The following CUX1 variants were observed in gnomAD, a reference collection of about 807,000 sequenced individuals.
CUX1 encodes protein CASP.
In CUX1, 31 loss-of-function variants were observed where a neutral mutation model predicts 158.8. That is an observed-to-expected ratio of 0.20 (90% CI 0.15 to 0.26). The LOEUF (loss-of-function observed/expected upper bound fraction) is 0.26, where lower values mean the gene tolerates loss of function less well. Ranked by LOEUF, CUX1 falls within the 10% of genes least tolerant of loss-of-function variation. CUX1 has a pLI of 1.00. For synonymous variants in CUX1, 879 were observed against 862.1 expected (o/e 1.02, Z -0.34); for missense variants, 1,589 against 2,014.6 (o/e 0.79, Z 4.04).
At chr7:101,848,051 C>CAAAAAAAAAAAAAAAAAAAAAAAA (rs57428019) in intron 1 of CUX1, among the ~76,000 whole-genome samples, 1 of 65,374 alleles carries the variant, frequency 1.5e-5, no homozygotes, top group Non-Finnish European at 2.7e-5. Flanking sequence ...GAGCAAGACT[C>CAAAAAAAAAAAAAAAAAAAAAAAA]AAAAAAAAAA....
rs189206157 is a variant in CUX1 at position 102,267,952 on chromosome 7, C to T, written c.1256-5414C>T. On this transcript the variant is annotated intron_variant, in intron 14 of 22. Transcript: ENST00000292538. ...CAAAGTGCTGTATTCCAGCCGTGAG[C>T]CACTGCACCGGGCCCTCCTGAAGTC... Among the ~76,000 whole-genome samples the T allele has an allele frequency of 1.9e-3, 291 of 152,228 alleles. 9 individuals are homozygous for T. The highest frequency in any genetic ancestry group is 0.017 in the Admixed American group (259 of 15,276).
chr7:102,118,574 T>C (rs782241975), intron 8 of CUX1, among the ~76,000 whole-genome samples: 1 of 152,078 alleles, frequency 6.6e-6, no homozygotes, highest in Non-Finnish European at 1.5e-5. Flanking sequence ...TGACGGGAAT[T>C]GGAGAGGCAT....
chr7:102,127,953 T>G (rs1832824716), intron 8 of CUX1, among the ~76,000 whole-genome samples: 1 of 152,244 alleles, frequency 6.6e-6, no homozygotes. Context: ...ATTTAAGCGA[T>G]TCTTCTGCCT....
rs1234501114 is a variant in CUX1, at chr7:102,248,684, G to A, written c.4160G>A (p.Arg1387His). The change falls in exon 24 of 24, where the codon CGC becomes CAC. Residue 1387 changes from arginine to histidine, a missense_variant. Physicochemically the swap from Arg to His is conservative, Grantham distance 29. This residue lies in a region of CUX1 where 344 missense variants were observed against 323.7 expected (regional missense o/e 1.06). Transcript: ENST00000292535. This position sits in a 1 kb window ranked among gnomAD's most constrained non-coding sequence, Gnocchi z 5.8. ...GGGACCCCGGGCCCGGACGACGCCC[G>A]CGACGACGACCACGAGGGAGGCCCC... ...PSGTPGPDDA[R>H]DDDHEGGPVE... is the part of the protein sequence containing the mutation. 4 of 1,286,620 alleles carry A rather than the reference G, an allele frequency of 3.1e-6. No individual in the cohort carries two copies. Among genetic ancestry groups the A allele is most frequent in the East Asian group, 4.1e-5 (1 of 24,146 alleles). The allele number at this position is 1,286,620 out of a possible 1,614,324, so 79.7% of individuals were successfully genotyped here.
chr7:102,276,679 C>G (rs868959873), intron 17 of CUX1, among the ~76,000 whole-genome samples: 8 of 152,184 alleles, frequency 5.3e-5, no homozygotes, highest in African/African-American at 1.7e-4. Flanking sequence ...TTCCATTTCA[C>G]GTTGCCTTTA....
At chr7:102,191,739 C>T (rs1794299732) in intron 12 of CUX1, among the ~76,000 whole-genome samples, 1 of 151,912 alleles carries the variant, frequency 6.6e-6, no homozygotes, top group South Asian at 2.1e-4. Flanking sequence ...CTCTCTTCTT[C>T]TTTCTTCCTC....
chr7:101,991,566 C>T (rs1815134797), intron 2 of CUX1, among the ~76,000 whole-genome samples: 1 of 152,154 alleles, frequency 6.6e-6, no homozygotes, highest in African/African-American at 2.4e-5. Context: ...CCAGACCCAC[C>T]TGGCCAATAT....
In CUX1 at chr7:101,862,731, G is replaced by A. The variant is rs1334997881; in HGVS notation, c.30+45062G>A. Reference sequence around the variant, plus strand: ...TCATCAGGCTCGTTGTGGAGACCACGGTGTCCCTTTCCTTCCCATCGTAAG... The same window carrying A: ...TCATCAGGCTCGTTGTGGAGACCACAGTGTCCCTTTCCTTCCCATCGTAAG... On this transcript the variant is annotated intron_variant, in intron 1 of 23. Transcript: ENST00000292535. 3.3e-5 allele frequency among the ~76,000 whole-genome samples: 5 copies of A among 152,066 alleles called. No homozygotes were observed. The East Asian group carries it at 5.8e-4, about 18-fold the overall frequency.
rs548670478 is a variant in CUX1 at position 102,090,528 on chromosome 7, C to G, written c.269-6836C>G. Among the ~76,000 whole-genome samples the G allele has an allele frequency of 2.0e-5, 3 of 152,074 alleles. No individual in the cohort carries two copies. The South Asian group carries it at 6.2e-4, about 32-fold the overall frequency. ...TCAGCCTCCCGAGTAGCTGGGACTA[C>G]AGGAGCCCGCCACCACGCCCAGCTA... On this transcript the variant is annotated intron_variant, in intron 4 of 23. Transcript: ENST00000292535.
chr7:101,925,743 GCAA>G (rs1358817049), intron 2 of CUX1, among the ~76,000 whole-genome samples: 1 of 152,142 alleles, frequency 6.6e-6, no homozygotes, highest in Non-Finnish European at 1.5e-5. Flanking sequence ...ACCAGCCTGG[GCAA>G]TATAGTGAGA....
At chr7:102,017,778 C>T (rs1284233493) in intron 2 of CUX1, among the ~76,000 whole-genome samples, 2 of 152,010 alleles carry the variant, frequency 1.3e-5, no homozygotes, top group Non-Finnish European at 2.9e-5. Context: ...GCCTGGGAGG[C>T]GGAGGTTGCA....
chr7:101,817,503 A>T (rs1791990599), upstream of CUX1: 1 of 1,135,554 alleles, frequency 8.8e-7, no homozygotes, highest in South Asian at 4.3e-5. The surrounding 1 kb of genome is among the most constrained non-coding windows in gnomAD (Gnocchi z 4.1). Context: ...CCCGCGCCCG[A>T]GTCGCCGCCG....
intron 1 of CUX1, among the ~76,000 whole-genome samples, chr7:101,910,996 A>G (rs555290310): frequency 2.1e-4 from 32 of 152,252 alleles, no homozygotes; most frequent in Non-Finnish European, 4.0e-4. Context: ...CATCCCAGAA[A>G]TTGTAATCAG....
At position 101,952,152 on chromosome 7, in the gene CUX1, C is replaced by A. The variant is rs182617897; in HGVS notation, c.141+35927C>A. Among the ~76,000 whole-genome samples the A allele has an allele frequency of 1.1e-4, 16 of 152,110 alleles. No homozygotes were observed. In the East Asian group the frequency reaches 2.7e-3, roughly 26 times the overall value. On this transcript the variant is annotated intron_variant, in intron 2 of 23. Coordinates refer to ENST00000292535, the MANE Select transcript of CUX1 (RefSeq NM_181552.4). ...CCTATAATCCCAATACTTTGAGAGG[C>A]CAAGGTGGAAGGATTGTTTGAGGAG...
intron 3 of CUX1, among the ~76,000 whole-genome samples, chr7:102,030,193 G>T (rs1444094573): frequency 6.6e-6 from 1 of 152,050 alleles, no homozygotes; most frequent in Non-Finnish European, 1.5e-5. Context: ...TGTATTTTTA[G>T]TAGAGACGGG....
In CUX1 at chr7:102,197,142, T is replaced by C; in HGVS notation, c.1731T>C (p.Tyr577=). The change falls in exon 15 of 24, where the codon TAT becomes TAC. Residue 577 remains tyrosine (Y), a synonymous_variant. Coordinates refer to ENST00000292535, the MANE Select transcript of CUX1 (RefSeq NM_181552.4). ...TCGGACAACGTATTTTCGGACATTA[T>C]GTGTTGGGACTGTCTCAAGGGTCCG... ...HNIGQRIFGH[Y]VLGLSQGSVS... is the part of the protein sequence containing the mutation. 6.2e-7 allele frequency: 1 copy of C among 1,614,208 alleles called. No homozygotes were observed. Among genetic ancestry groups the C allele is most frequent in the Non-Finnish European group, 8.5e-7 (1 of 1,180,040 alleles).
At chr7:101,879,416 C>T (rs988725072) in intron 1 of CUX1, among the ~76,000 whole-genome samples, 2 of 152,128 alleles carry the variant, frequency 1.3e-5, no homozygotes, top group Admixed American at 6.5e-5. Context: ...TATTTTAGTT[C>T]TAGTTTCTAG....
chr7:102,057,026 C>T (rs564753244), intron 3 of CUX1, among the ~76,000 whole-genome samples: 7 of 151,338 alleles, frequency 4.6e-5, no homozygotes, highest in South Asian at 4.2e-4. Context: ...CTCAGCCTCC[C>T]GAGTAGCTGG....
intron 18 of CUX1, 70 bp from the exon 19 acceptor site, chr7:102,204,321 T>C (rs1333476867): frequency 1.3e-6 from 2 of 1,579,228 alleles, no homozygotes; most frequent in African/African-American, 1.3e-5. Context: ...TGGGTGTGCA[T>C]TGCAGCAGCA....
Sources: allele counts gnomAD v4.1 joint callset (sites outside exome capture counted in the v4.1 genomes callset), GRCh38; gene constraint gnomAD v4.1.1; regional missense constraint gnomAD v4.1.1; non-coding constraint Gnocchi (gnomAD v3.1); transcripts MANE v1.5; gene names NCBI Gene and HGNC (gene_info 2026-07-23, HGNC 2026-07-21).